DPYD: variants seen among roughly 807,000 people sequenced by gnomAD.
The protein encoded by DPYD is dihydropyrimidine dehydrogenase, also known as dihydropyrimidine dehydrogenase [NADP(+)].
DPYD carries 109 observed loss-of-function variants against 116.2 expected under a neutral mutation model. The ratio of observed to expected loss-of-function variants is 0.94; its 90% CI spans 0.80 to 1.10. The LOEUF (loss-of-function observed/expected upper bound fraction) is 1.10. DPYD is among the 50% of genes least tolerant of loss of function. DPYD has a pLI of 0.00. For missense variants in DPYD, 1,302 were observed against 1,254.5 expected (o/e 1.04, Z -0.57); for synonymous variants, 440 against 432.0 (o/e 1.02, Z -0.23).
chr1:97,507,840 A>G (rs1647461468), intron 13 of DPYD, among the ~76,000 whole-genome samples: 1 of 152,030 alleles, frequency 6.6e-6, no homozygotes, highest in Non-Finnish European at 1.5e-5. Context: ...GAGAACAGAC[A>G]ACCTACATGG....
chr1:97,723,144 A>C (rs1018722660), intron 4 of DPYD, among the ~76,000 whole-genome samples: 1 of 151,670 alleles, frequency 6.6e-6, no homozygotes, highest in African/African-American at 2.4e-5. Flanking sequence ...CACGGCTTTC[A>C]CAGCATTCGT....
intron 16 of DPYD, among the ~76,000 whole-genome samples, chr1:97,324,848 A>G (rs538989729): frequency 1.3e-5 from 2 of 152,236 alleles, no homozygotes; most frequent in African/African-American, 4.8e-5. Context: ...TTTCTACAAG[A>G]TGGATATGTA....
At chr1:97,838,283 C>G (rs1669866028) in intron 2 of DPYD, among the ~76,000 whole-genome samples, 1 of 152,108 alleles carries the variant, frequency 6.6e-6, no homozygotes, top group African/African-American at 2.4e-5. Context: ...AATGCTGTAG[C>G]ATATCAAACT....
intron 2 of DPYD, among the ~76,000 whole-genome samples, chr1:97,852,880 G>A (rs1303117173): frequency 6.6e-6 from 1 of 152,126 alleles, no homozygotes; most frequent in African/African-American, 2.4e-5. Context: ...CACACTGGAA[G>A]CTACTTTAGC....
intron 18 of DPYD, among the ~76,000 whole-genome samples, chr1:97,277,528 T>C (rs1665021472): frequency 6.6e-6 from 1 of 152,162 alleles, no homozygotes; most frequent in South Asian, 2.1e-4. Context: ...CTACTGTTTG[T>C]TCACATGCTC....
chr1:97,456,459 CAT>C (rs1227520260), intron 13 of DPYD, among the ~76,000 whole-genome samples: 3 of 151,988 alleles, frequency 2.0e-5, no homozygotes, highest in Non-Finnish European at 4.4e-5. Flanking sequence ...TGTCTCAGTT[CAT>C]ATGATAGAAT....
Position 97,768,032 on chromosome 1 carries a change from C to T in DPYD, c.234-27553G>A, listed in dbSNP as rs190137365. Among the ~76,000 whole-genome samples the T allele has an allele frequency of 2.1e-3, 322 of 152,082 alleles. 1 individual carries two copies. The highest frequency in any genetic ancestry group is 7.3e-3 in the African/African-American group (304 of 41,486). On this transcript the variant is annotated intron_variant, in intron 3 of 22. Transcript: ENST00000370192. The stretch of plus-strand genomic sequence containing the variant: ...TATCTGATTTTTACTTAAATGTTTC[C>T]ATGAATAAGTTTACAATGCTCAAGT...
chr1:97,106,561 GGGCCTTT>G (rs1231000363), intron 20 of DPYD, among the ~76,000 whole-genome samples: 3 of 152,076 alleles, frequency 2.0e-5, no homozygotes, highest in Non-Finnish European at 4.4e-5. Flanking sequence ...CTAGGTTCTT[GGGCCTTT>G]GGACTGTAGG....
chr1:97,615,863 C>T (rs1489671540), intron 8 of DPYD, among the ~76,000 whole-genome samples: 1 of 152,130 alleles, frequency 6.6e-6, no homozygotes, highest in East Asian at 1.9e-4. Flanking sequence ...GAATTCTGTC[C>T]TATAGTGCAC....
chr1:97,455,301 G>T (rs1304660651), intron 13 of DPYD, among the ~76,000 whole-genome samples: 1 of 151,838 alleles, frequency 6.6e-6, no homozygotes, highest in Non-Finnish European at 1.5e-5. Flanking sequence ...TGTTGATAAG[G>T]TTTTATCAGT....
At chr1:97,777,077 A>T (rs1488825395) in intron 3 of DPYD, among the ~76,000 whole-genome samples, 1 of 152,222 alleles carries the variant, frequency 6.6e-6, no homozygotes, top group African/African-American at 2.4e-5. Context: ...CCATGATGGA[A>T]CTACTAATAA....
chr1:97,640,964 CCTTCTAGCATAAAATT>C (rs1657857788), intron 8 of DPYD, among the ~76,000 whole-genome samples: 1 of 152,134 alleles, frequency 6.6e-6, no homozygotes, highest in Non-Finnish European at 1.5e-5. Context: ...AATGGGTGGG[CCTTCTAGCATAAAATT>C]CTTCTAGCAT....
At chr1:97,151,428 C>G (rs57870709) in intron 20 of DPYD, among the ~76,000 whole-genome samples, 2 of 151,880 alleles carry the variant, frequency 1.3e-5, no homozygotes, top group African/African-American at 4.8e-5. Flanking sequence ...AATCCCAGCA[C>G]TTTGGGAGGC....
chr1:97,688,998 A>C (rs965408428), intron 7 of DPYD, among the ~76,000 whole-genome samples: 1 of 151,838 alleles, frequency 6.6e-6, no homozygotes, highest in Non-Finnish European at 1.5e-5. Context: ...TAAGACTAGA[A>C]AAATATTTAT....
At chr1:97,692,177 GA>G (rs1661043595) in intron 6 of DPYD, among the ~76,000 whole-genome samples, 1 of 151,848 alleles carries the variant, frequency 6.6e-6, no homozygotes, top group Admixed American at 6.6e-5. Context: ...GCTAGATGGA[GA>G]TATAGATTTT....
At chr1:97,299,951 G>T (rs1018367492) in intron 18 of DPYD, among the ~76,000 whole-genome samples, 2 of 152,068 alleles carry the variant, frequency 1.3e-5, no homozygotes, top group Admixed American at 1.3e-4. Flanking sequence ...ATATTCAAAT[G>T]AGCATTATTT....
At chr1:97,767,755 C>CA (rs1553236054) in intron 3 of DPYD, among the ~76,000 whole-genome samples, 1 of 112,486 alleles carries the variant, frequency 8.9e-6, no homozygotes. Context: ...TTGGGGCTGG[C>CA]TTTTTTTTTT....
chr1:97,271,917 A>G (rs1172691645), intron 18 of DPYD, among the ~76,000 whole-genome samples: 1 of 152,170 alleles, frequency 6.6e-6, no homozygotes, highest in Non-Finnish European at 1.5e-5. Context: ...AGTTGCCCTT[A>G]TATCACAGTG....
At chr1:97,322,277 G>GA (rs141935843) in intron 16 of DPYD, among the ~76,000 whole-genome samples, 43,379 of 150,420 alleles carry the variant, frequency 0.29, 7,271 homozygotes, top group Admixed American at 0.44. Context: ...ATTAGGAAGG[G>GA]AAAAAAAAAT....
Sources: allele counts gnomAD v4.1 joint callset (sites outside exome capture counted in the v4.1 genomes callset), GRCh38; gene constraint gnomAD v4.1.1; transcripts MANE v1.5; gene names NCBI Gene and HGNC (gene_info 2026-07-23, HGNC 2026-07-21).